The following ETFBKMT variants were observed in gnomAD, a reference collection of about 807,000 sequenced individuals.
ETFBKMT encodes electron transfer flavoprotein beta subunit lysine methyltransferase.
Under a neutral mutation model 18.3 loss-of-function variants are expected in ETFBKMT, and 13 were observed. That is an observed-to-expected ratio of 0.71 (90% CI 0.46 to 1.13). The LOEUF (loss-of-function observed/expected upper bound fraction) is 1.13. ETFBKMT is among the 50% of genes most tolerant of loss of function. The pLI is 0.00. For missense variants in ETFBKMT, 293 were observed against 306.2 expected, an observed-to-expected ratio of 0.96 and a Z score of 0.32; for synonymous variants, 84 against 107.9, an observed-to-expected ratio of 0.78 and a Z score of 1.37.
At chr12:31,648,105 T>C (rs1762643429) in intron 1 of ETFBKMT, among the ~76,000 whole-genome samples, 1 of 152,230 alleles carries the variant, frequency 6.6e-6, no homozygotes, top group African/African-American at 2.4e-5. Flanking sequence ...AGCCAGAAAG[T>C]GGAAACCACC....
At chr12:31,658,269 C>T (rs1005652947), upstream of ETFBKMT, among the ~76,000 whole-genome samples, 1 of 152,078 alleles carries the variant, frequency 6.6e-6, no homozygotes, top group Non-Finnish European at 1.5e-5. Context: ...AGAAAACAAG[C>T]GTTTACATCA....
chr12:31,667,841 G>A lies in ETFBKMT; in HGVS notation c.640G>A (p.Val214Ile). 3 of 1,614,178 alleles carry A rather than the reference G, an allele frequency of 1.9e-6. No homozygotes were observed. The highest frequency in any genetic ancestry group is 1.1e-5 in the South Asian group (1 of 91,086). Residue 214 changes from valine to isoleucine, a missense_variant, in exon 4 of 4, where the codon GTA (valine) becomes ATA (isoleucine). Physicochemically the swap from Val to Ile is conservative, Grantham distance 29. Coordinates refer to ENST00000357721, the MANE Select transcript of ETFBKMT (RefSeq NM_001135863.2). ...GTGCTTCTGGACCTATAGAACTCGA[G>A]TACTGATTGGTGACCCTGGGCGGCC... is the stretch of plus-strand genomic sequence containing the variant. ...KKCFWTYRTR[V>I]LIGDPGRPQF...
upstream of ETFBKMT, among the ~76,000 whole-genome samples, chr12:31,655,208 T>C (rs967832130): frequency 6.6e-6 from 1 of 151,814 alleles, no homozygotes; most frequent in African/African-American, 2.4e-5. Context: ...TAAAGGAACA[T>C]AAAAACTCTC....
chr12:31,650,818 A>G, intron 1 of ETFBKMT, among the ~76,000 whole-genome samples: 1 of 152,140 alleles, frequency 6.6e-6, no homozygotes, highest in African/African-American at 2.4e-5. Flanking sequence ...TCATTGCAGG[A>G]AGAGCTAGCT....
At chr12:31,666,556 C>A (rs1234350452) in intron 3 of ETFBKMT, among the ~76,000 whole-genome samples, 1 of 152,162 alleles carries the variant, frequency 6.6e-6, no homozygotes, top group Non-Finnish European at 1.5e-5. Flanking sequence ...TCCATTAGAA[C>A]CCAGGCTGAG....
chr12:31,647,848 C>T (rs1399508191), intron 1 of ETFBKMT, among the ~76,000 whole-genome samples: 1 of 151,130 alleles, frequency 6.6e-6, no homozygotes, highest in African/African-American at 2.4e-5. Flanking sequence ...CCAAAGAAAA[C>T]AAACAAACAA....
At chr12:31,663,093 A>T (rs2139622749) in intron 2 of ETFBKMT, among the ~76,000 whole-genome samples, 1 of 151,842 alleles carries the variant, frequency 6.6e-6, no homozygotes, top group Non-Finnish European at 1.5e-5. Context: ...TCTACAAAAA[A>T]AAATTTTTTT....
At chr12:31,650,255 A>T (rs1449921663) in intron 1 of ETFBKMT, among the ~76,000 whole-genome samples, 6 of 152,000 alleles carry the variant, frequency 3.9e-5, no homozygotes, top group African/African-American at 2.4e-5. Context: ...CAAGATGGCA[A>T]CGAGAGTGAT....
chr12:31,670,754 A>G lies in ETFBKMT; in HGVS notation c.*2764A>G, dbSNP rs1019584155. On this transcript the variant is annotated 3_prime_UTR_variant, in exon 4 of 4. Transcript: ENST00000357721. ...CTTTCCATATTTACTTATTCAATGA[A>G]TATTTGAGTGCTTATTATATACCAG... 6.6e-6 allele frequency: 1 copy of G among 152,126 alleles called. No individual in the cohort carries two copies. The highest frequency in any genetic ancestry group is 2.4e-5 in the African/African-American group (1 of 41,392). The allele number at this position is 152,126 out of a possible 1,614,324, so 9.4% of individuals were successfully genotyped here.
At chr12:31,665,546 GGGAGAC>G (rs1350764372) in intron 2 of ETFBKMT, among the ~76,000 whole-genome samples, 7 of 151,928 alleles carry the variant, frequency 4.6e-5, no homozygotes, top group Non-Finnish European at 1.0e-4. Context: ...AGCTCGGCTG[GGGAGAC>G]CCTAACCCAG....
chr12:31,657,808 A>T (rs1951075072), upstream of ETFBKMT, among the ~76,000 whole-genome samples: 1 of 151,776 alleles, frequency 6.6e-6, no homozygotes, highest in African/African-American at 2.4e-5. Flanking sequence ...AAAAAAAAAA[A>T]AAAAAGAATA....
At chr12:31,658,961 A>G (rs920095053), upstream of ETFBKMT, among the ~76,000 whole-genome samples, 19 of 125,444 alleles carry the variant, frequency 1.5e-4, no homozygotes, top group African/African-American at 6.0e-5. Context: ...TACGGTGTCT[A>G]TTTTGCTCAC....
In ETFBKMT at chr12:31,662,066, G is replaced by C; in HGVS notation, c.113G>C (p.Gly38Ala). ...LFPCGQCPWR[G>A]AGSFLDPEIK... ...CCCTGTGGCCAGTGTCCCTGGAGAG[G>C]AGCTGGAAGCTTTTTGGACCCTGAG... Residue 38 changes from glycine (G) to alanine (A), a missense_variant, in exon 2 of 4, where the codon GGA (glycine) becomes GCA (alanine). By Grantham distance (60) the Gly-to-Ala change is moderately conservative (BLOSUM62 0). Coordinates refer to ENST00000357721, the MANE Select transcript of ETFBKMT (RefSeq NM_001135863.2). 2 of 1,614,240 alleles carry C rather than the reference G, an allele frequency of 1.2e-6. No individual in the cohort carries two copies. Among genetic ancestry groups the C allele is most frequent in the Non-Finnish European group, 1.7e-6 (2 of 1,180,042 alleles).
At chr12:31,654,654 GAAAT>G (rs1366180940), upstream of ETFBKMT, among the ~76,000 whole-genome samples, 1 of 152,054 alleles carries the variant, frequency 6.6e-6, no homozygotes, top group Non-Finnish European at 1.5e-5. Context: ...ACTAATGAAA[GAAAT>G]AAGACAAAAA....
Position 31,662,074 on chromosome 12 carries a change from A to C in ETFBKMT, c.121A>C (p.Ser41Arg). The change falls in exon 2 of 4, where the codon AGC becomes CGC. Residue 41 changes from serine (S) to arginine (R), a missense_variant. Physicochemically the swap from Ser to Arg is moderately radical, Grantham distance 110. Transcript: ENST00000357721. ...CGQCPWRGAGSFLDPEIKAFL... is the reference protein window; with the variant it reads ...CGQCPWRGAGRFLDPEIKAFL... The stretch of plus-strand genomic sequence containing the variant: ...CCAGTGTCCCTGGAGAGGAGCTGGA[A>C]GCTTTTTGGACCCTGAGATAAAGGC... The C allele has an allele frequency of 6.2e-7, 1 of 1,614,196 alleles. No homozygotes were observed. Among genetic ancestry groups the C allele is most frequent in the Non-Finnish European group, 8.5e-7 (1 of 1,180,026 alleles).
intron 1 of ETFBKMT, 140 bp from the exon 2 acceptor site, chr12:31,661,701 C>T (rs1951126211): frequency 2.6e-6 from 1 of 392,066 alleles, no homozygotes; most frequent in South Asian, 2.8e-5. Flanking sequence ...CCTCGTGATC[C>T]ACCCGCCTTG....
intron 2 of ETFBKMT, among the ~76,000 whole-genome samples, chr12:31,663,783 T>G (rs1401880787): frequency 1.3e-5 from 2 of 152,210 alleles, no homozygotes; most frequent in Non-Finnish European, 2.9e-5. Flanking sequence ...TTACTTTGTT[T>G]TTCGTAAGTG....
At chr12:31,654,998 G>T (rs1951048430), upstream of ETFBKMT, among the ~76,000 whole-genome samples, 1 of 151,576 alleles carries the variant, frequency 6.6e-6, no homozygotes, top group South Asian at 2.1e-4. Context: ...GAAGGTTGCA[G>T]TGAGCCAAGA....
intron 1 of ETFBKMT, among the ~76,000 whole-genome samples, chr12:31,647,457 A>G (rs1168487210): frequency 1.3e-5 from 2 of 152,182 alleles, no homozygotes; most frequent in Admixed American, 6.6e-5. Flanking sequence ...CAGGCAAGTT[A>G]CTGAACCTTC....
Sources: gnomAD v4.1 joint callset for allele counts (sites outside exome capture counted in the v4.1 genomes callset) on GRCh38, gnomAD v4.1.1 for gene constraint, MANE v1.5 for transcripts, NCBI Gene and HGNC (gene_info 2026-07-23, HGNC 2026-07-21) for gene names.